The following TRPM3 variants were observed in gnomAD, a reference collection of about 807,000 sequenced individuals.
The protein encoded by TRPM3 is long transient receptor potential channel 3.
TRPM3 carries 77 observed loss-of-function variants against 181.2 expected under a neutral mutation model. The observed-to-expected ratio is 0.42, with a 90% CI of 0.35 to 0.51. The LOEUF (loss-of-function observed/expected upper bound fraction) is 0.51, where lower values mean the gene tolerates loss of function less well. TRPM3 is among the 20% of genes least tolerant of loss of function. The pLI is 0.01. For missense variants in TRPM3, 1,759 were observed against 2,196.7 expected (o/e 0.80, Z 3.98); for synonymous variants, 745 against 796.4 (o/e 0.94, Z 1.09).
intron 22 of TRPM3, among the ~76,000 whole-genome samples, chr9:70,582,181 CGTGTGTGTGTGT>C (rs3073501): frequency 1.5e-4 from 23 of 149,264 alleles, no homozygotes; most frequent in Admixed American, 6.0e-4. Context: ...CCACCCTGTG[CGTGTGTGTGTGT>C]GTGTGTGTGT....
chr9:71,166,237 G>C (rs1504403), intron 1 of TRPM3, among the ~76,000 whole-genome samples: 61,437 of 151,868 alleles, frequency 0.4, 12,718 homozygotes, highest in East Asian at 0.52. Flanking sequence ...TCACCAAATG[G>C]AGGATGAACA....
At chr9:71,420,799 G>GAA (rs368830578) in intron 1 of TRPM3, among the ~76,000 whole-genome samples, 1 of 2,056 alleles carries the variant, frequency 4.9e-4, no homozygotes, top group East Asian at 0.023. Flanking sequence ...GAGAGAGAAA[G>GAA]AAAGAGAGAA....
intron 9 of TRPM3, among the ~76,000 whole-genome samples, chr9:70,649,414 C>G (rs1037687184): frequency 6.6e-6 from 1 of 152,144 alleles, no homozygotes. Flanking sequence ...GTCTCGAACT[C>G]CTGACCTCAA....
At chr9:70,692,460 A>G (rs1396821445) in intron 8 of TRPM3, among the ~76,000 whole-genome samples, 1 of 152,244 alleles carries the variant, frequency 6.6e-6, no homozygotes, top group Non-Finnish European at 1.5e-5. Flanking sequence ...AGCAAGTTAC[A>G]GTAAAAGGAA....
At chr9:70,658,895 A>G (rs1057107799) in intron 9 of TRPM3, among the ~76,000 whole-genome samples, 2 of 152,070 alleles carry the variant, frequency 1.3e-5, no homozygotes, top group African/African-American at 4.8e-5. Context: ...AGAAGATTGA[A>G]GTAATCTTTT....
chr9:70,950,033 A>G (rs920150752), intron 1 of TRPM3, among the ~76,000 whole-genome samples: 7 of 152,098 alleles, frequency 4.6e-5, no homozygotes, highest in Non-Finnish European at 1.0e-4. Flanking sequence ...GACTAATGAT[A>G]TGTTCCTACC....
chr9:70,868,513 TA>T lies in TRPM3; in HGVS notation c.178-4003del, dbSNP rs1434677770. Among the ~76,000 whole-genome samples the T allele has an allele frequency of 2.0e-5, 3 of 152,208 alleles. No individual in the cohort carries two copies. The East Asian group carries it at 5.8e-4, about 30-fold the overall frequency. ...TTCACAAAGTCTTTGCTACAAATGT[TA>T]GTCCCCAAACTACTTTGAATCTTCT... is the stretch of plus-strand genomic sequence containing the variant. On this transcript the variant is annotated intron_variant, in intron 1 of 25. Coordinates refer to ENST00000677713, the MANE Select transcript of TRPM3 (RefSeq NM_001366145.2).
At chr9:71,050,809 G>C (rs2059985968) in intron 1 of TRPM3, among the ~76,000 whole-genome samples, 2 of 152,114 alleles carry the variant, frequency 1.3e-5, no homozygotes, top group Non-Finnish European at 2.9e-5. Flanking sequence ...CCCTCATCTT[G>C]GCCTCTCTTC....
intron 1 of TRPM3, among the ~76,000 whole-genome samples, chr9:71,402,060 T>C (rs2093350613): frequency 6.6e-6 from 1 of 152,102 alleles, no homozygotes; most frequent in Non-Finnish European, 1.5e-5. Context: ...GCCAGCGAGG[T>C]TGAAATGAAG....
chr9:70,607,882 T>TCAA (rs1221331994), intron 19 of TRPM3, among the ~76,000 whole-genome samples: 1 of 152,224 alleles, frequency 6.6e-6, no homozygotes, highest in East Asian at 1.9e-4. Context: ...TCACTACTCA[T>TCAA]CAACTTGATG....
chr9:70,792,547 A>G (rs1413071930), intron 6 of TRPM3, among the ~76,000 whole-genome samples: 1 of 151,610 alleles, frequency 6.6e-6, no homozygotes, highest in East Asian at 1.9e-4. Context: ...GAAAGCAGAG[A>G]GAGGGCATCT....
intron 1 of TRPM3, among the ~76,000 whole-genome samples, chr9:71,277,509 C>CA (rs2084312902): frequency 6.6e-6 from 1 of 151,858 alleles, no homozygotes; most frequent in Admixed American, 6.6e-5. Context: ...TTGGGAAAAT[C>CA]AATGTGACAA....
At chr9:71,067,243 A>T (rs1475008526) in intron 1 of TRPM3, among the ~76,000 whole-genome samples, 1 of 152,188 alleles carries the variant, frequency 6.6e-6, no homozygotes, top group Non-Finnish European at 1.5e-5. Context: ...TTTAACTAGC[A>T]AGGCAGCAGA....
chr9:71,223,831 G>T (rs551164811), intron 1 of TRPM3, among the ~76,000 whole-genome samples: 20 of 152,306 alleles, frequency 1.3e-4, no homozygotes, highest in East Asian at 9.7e-4. Context: ...GAATGGGAAA[G>T]ATTTTGTCTT....
chr9:71,071,757 G>T (rs1338534138), intron 1 of TRPM3, among the ~76,000 whole-genome samples: 1 of 152,132 alleles, frequency 6.6e-6, no homozygotes, highest in East Asian at 1.9e-4. Context: ...AATATAGGGT[G>T]CTGAGAGATT....
chr9:71,007,533 C>T (rs185083374), intron 1 of TRPM3, among the ~76,000 whole-genome samples: 1 of 152,084 alleles, frequency 6.6e-6, no homozygotes. Flanking sequence ...TTGCTGACCA[C>T]ATGGAATAAA....
At chr9:70,935,458 C>T (rs1031885189) in intron 1 of TRPM3, among the ~76,000 whole-genome samples, 1 of 152,202 alleles carries the variant, frequency 6.6e-6, no homozygotes, top group African/African-American at 2.4e-5. Flanking sequence ...TGCATAATTA[C>T]CTAACATGTT....
intron 1 of TRPM3, among the ~76,000 whole-genome samples, chr9:71,172,171 G>C (rs181535367): frequency 1.3e-5 from 2 of 150,742 alleles, no homozygotes; most frequent in African/African-American, 4.9e-5. Context: ...CTAAGTGCTG[G>C]GATTACAGGA....
At chr9:70,548,811 T>C (rs777141682) in intron 25 of TRPM3, among the ~76,000 whole-genome samples, 1 of 151,084 alleles carries the variant, frequency 6.6e-6, no homozygotes. Context: ...CTAGACTTAC[T>C]AGGTTTAAAT....
Sources: allele counts gnomAD v4.1 joint callset (sites outside exome capture counted in the v4.1 genomes callset), GRCh38; gene constraint gnomAD v4.1.1; transcripts MANE v1.5; gene names NCBI Gene and HGNC (gene_info 2026-07-23, HGNC 2026-07-21).